The following CEP85L variants were observed in gnomAD, a reference collection of about 807,000 sequenced individuals.
The protein encoded by CEP85L is centrosomal protein of 85 kDa-like.
In CEP85L, 60 loss-of-function variants were observed where a neutral mutation model predicts 100.3. That is an observed-to-expected ratio of 0.60 (90% CI 0.49 to 0.74). The LOEUF is 0.74. Ranked by LOEUF, CEP85L falls within the 30% of genes least tolerant of loss-of-function variation. The probability of loss-of-function intolerance (pLI) is 0.00; values close to 1 mark genes in which losing one functional copy is unlikely to be tolerated. For missense variants in CEP85L, 973 were observed against 936.2 expected, an observed-to-expected ratio of 1.04 and a Z score of -0.51; for synonymous variants, 319 against 322.7, an observed-to-expected ratio of 0.99 and a Z score of 0.12.
chr6:118,501,377 C>T, intron 5 of CEP85L: 1 of 361,740 alleles, frequency 2.8e-6, no homozygotes, highest in Non-Finnish European at 5.3e-6. Context: ...TGCCAGGTGG[C>T]ACAAGGCCCC....
chr6:118,518,311 G>C (rs1169685343), intron 4 of CEP85L, among the ~76,000 whole-genome samples: 1 of 152,120 alleles, frequency 6.6e-6, no homozygotes, highest in South Asian at 2.1e-4. Flanking sequence ...AATGATACCA[G>C]CTCCTCTTTG....
chr6:118,613,756 T>TCAAAAAA (rs1772820321), intron 2 of CEP85L, among the ~76,000 whole-genome samples: 2 of 7,606 alleles, frequency 2.6e-4, no homozygotes, highest in African/African-American at 5.1e-4. Flanking sequence ...AATCTGTGTC[T>TCAAAAAA]CAAAAAAAAA....
chr6:118,676,606 C>T (rs1355247134), intron 1 of CEP85L, among the ~76,000 whole-genome samples: 1 of 152,196 alleles, frequency 6.6e-6, no homozygotes, highest in Non-Finnish European at 1.5e-5. Context: ...ACTTCAGTTA[C>T]TTCCGTATCT....
intron 6 of CEP85L, among the ~76,000 whole-genome samples, chr6:118,490,856 T>A (rs1451490082): frequency 6.6e-6 from 1 of 152,168 alleles, no homozygotes; most frequent in Non-Finnish European, 1.5e-5. Flanking sequence ...ATGAAGTCCA[T>A]GAAAAGTCAA....
At chr6:118,611,235 G>A (rs183541931) in intron 2 of CEP85L, among the ~76,000 whole-genome samples, 5 of 152,116 alleles carry the variant, frequency 3.3e-5, no homozygotes, top group Admixed American at 1.3e-4. Context: ...AATGAGGGAC[G>A]GTAAAGGAAT....
At chr6:118,705,966 A>G (rs1433855913) in intron 1 of CEP85L, among the ~76,000 whole-genome samples, 2 of 152,156 alleles carry the variant, frequency 1.3e-5, no homozygotes, top group African/African-American at 2.4e-5. Context: ...GCCCGCCCCC[A>G]CATTGTTGCT....
At chr6:118,615,690 A>G (rs908737070) in intron 2 of CEP85L, among the ~76,000 whole-genome samples, 3 of 152,240 alleles carry the variant, frequency 2.0e-5, no homozygotes, top group Non-Finnish European at 4.4e-5. Context: ...ACCAAATGGT[A>G]TCAGCTTGAG....
In CEP85L at chr6:118,600,299, G is replaced by T. The variant is rs1195250254; in HGVS notation, c.232+32154C>A. 1.2e-4 allele frequency among the ~76,000 whole-genome samples: 11 copies of T among 89,012 alleles called. 1 individual carries two copies. Among genetic ancestry groups the T allele is most frequent in the African/African-American group, 4.3e-4 (10 of 23,208 alleles). The allele number at this position is 89,012 out of a possible 152,430, so 58.4% of individuals were successfully genotyped here. ...ACTGCCTGTCCCTGAGCCTTCCTGG[G>T]GGTGTGTGTGTGTGTGTGTGTGTGT... On this transcript the variant is annotated intron_variant, in intron 2 of 12. Transcript: ENST00000368491.
chr6:118,642,403 T>C (rs559515947), intron 1 of CEP85L, among the ~76,000 whole-genome samples: 2 of 152,146 alleles, frequency 1.3e-5, no homozygotes, highest in Admixed American at 1.3e-4. Flanking sequence ...CATGAAAAGT[T>C]AGGTTCTAGC....
chr6:118,689,763 A>G (rs1454700984), intron 1 of CEP85L, among the ~76,000 whole-genome samples: 1 of 152,190 alleles, frequency 6.6e-6, no homozygotes, highest in Admixed American at 6.5e-5. Context: ...ATTTAGTAAT[A>G]TTAATAAAAA....
intron 12 of CEP85L, among the ~76,000 whole-genome samples, chr6:118,466,740 G>A (rs578061185): frequency 6.6e-6 from 1 of 152,280 alleles, no homozygotes; most frequent in Non-Finnish European, 1.5e-5. Context: ...CCACAGAGCA[G>A]TGTAGGCATT....
chr6:118,493,803 A>G, intron 5 of CEP85L, among the ~76,000 whole-genome samples: 1 of 152,262 alleles, frequency 6.6e-6, no homozygotes, highest in South Asian at 2.1e-4. Flanking sequence ...ATATAATTAG[A>G]GCCTATGATT....
chr6:118,572,186 T>C (rs183581113), intron 2 of CEP85L, among the ~76,000 whole-genome samples: 2 of 148,630 alleles, frequency 1.3e-5, no homozygotes, highest in African/African-American at 5.0e-5. Flanking sequence ...ACACAATGAG[T>C]TTTTTTTCCC....
intron 10 of CEP85L, among the ~76,000 whole-genome samples, chr6:118,475,139 G>A (rs1773256672): frequency 6.6e-6 from 1 of 152,122 alleles, no homozygotes; most frequent in South Asian, 2.1e-4. Context: ...TTTAAAATAG[G>A]TATATTTATA....
upstream of CEP85L, chr6:118,652,490 G>A: frequency 7.6e-7 from 1 of 1,324,052 alleles, no homozygotes; most frequent in South Asian, 1.7e-5. Context: ...GTGGTGGGAG[G>A]CGGGCTCTGC....
At chr6:118,633,220 T>TC (rs1365485238) in intron 1 of CEP85L, among the ~76,000 whole-genome samples, 2 of 151,838 alleles carry the variant, frequency 1.3e-5, no homozygotes, top group Non-Finnish European at 1.5e-5. Flanking sequence ...TTTTTTTTTT[T>TC]TGAGACGAGT....
intron 2 of CEP85L, among the ~76,000 whole-genome samples, chr6:118,600,555 C>T (rs1162164354): frequency 6.6e-6 from 1 of 151,482 alleles, no homozygotes; most frequent in Non-Finnish European, 1.5e-5. Context: ...CTCCTGACCT[C>T]AGGTGATCCA....
At position 118,620,035 on chromosome 6, in the gene CEP85L, TAAG is replaced by T. The variant is rs147567040; in HGVS notation, c.232+12415_232+12417del. On this transcript the variant is annotated intron_variant, in intron 2 of 12. Coordinates refer to ENST00000368491, the MANE Select transcript of CEP85L (RefSeq NM_001042475.3). The stretch of plus-strand genomic sequence containing the variant: ...TTGCTAACTTGTATCTTGGAAGGGT[TAAG>T]AAGAAGTAGGAAGAAGCCTATGAAC... Among the ~76,000 whole-genome samples, 566 of 152,286 alleles carry T rather than the reference TAAG, an allele frequency of 3.7e-3. 3 individuals carry two copies. Among genetic ancestry groups the T allele is most frequent in the African/African-American group, 0.013 (539 of 41,550 alleles).
intron 1 of CEP85L, among the ~76,000 whole-genome samples, chr6:118,637,673 T>A (rs1043282693): frequency 1.8e-5 from 2 of 109,430 alleles, no homozygotes; most frequent in African/African-American, 7.1e-5. Flanking sequence ...GCCACTACAC[T>A]CCAGCCTGGG....
Sources: allele counts gnomAD v4.1 joint callset (sites outside exome capture counted in the v4.1 genomes callset), GRCh38; gene constraint gnomAD v4.1.1; transcripts MANE v1.5; gene names NCBI Gene and HGNC (gene_info 2026-07-23, HGNC 2026-07-21).